Variants in NFIL3 observed in about 807,000 individuals in gnomAD.
The protein encoded by NFIL3 is nuclear factor interleukin-3-regulated protein.
A neutral mutation model predicts 10.0 loss-of-function variants in NFIL3; 5 were observed. The observed-to-expected ratio is 0.50, with a 90% confidence interval of 0.26 to 1.06. NFIL3 has a LOEUF of 1.06. NFIL3 is among the 50% of genes least tolerant of loss of function. NFIL3 has a pLI of 0.13. For synonymous variants in NFIL3, 202 were observed against 206.5 expected, an observed-to-expected ratio of 0.98 and a Z score of 0.19; for missense variants, 436 against 547.6, an observed-to-expected ratio of 0.80 and a Z score of 2.03.
chr9:91,480,184 C>T, the NFIL3 span, among the ~76,000 whole-genome samples: 1 of 151,346 alleles, frequency 6.6e-6, no homozygotes, highest in African/African-American at 2.4e-5. Context: ...TCTCTGTCTC[C>T]CAGGCTGGAG....
chr9:91,432,166 G>A, the NFIL3 span, among the ~76,000 whole-genome samples: 1 of 152,190 alleles, frequency 6.6e-6, no homozygotes, highest in Non-Finnish European at 1.5e-5. Flanking sequence ...CACACTGTCA[G>A]GTTAGTTCTG....
chr9:91,448,273 C>T, the NFIL3 span, among the ~76,000 whole-genome samples: 4 of 152,150 alleles, frequency 2.6e-5, no homozygotes, highest in East Asian at 1.9e-4. Flanking sequence ...GTATTTGGCT[C>T]ATGATTCTGG....
chr9:91,473,864 T>C, the NFIL3 span, among the ~76,000 whole-genome samples: 1 of 152,218 alleles, frequency 6.6e-6, no homozygotes, highest in Non-Finnish European at 1.5e-5. Flanking sequence ...TTCTCTGAGA[T>C]TTTCTAAATA....
chr9:91,421,714 G>C (rs1352273965), intron 1 of NFIL3, among the ~76,000 whole-genome samples: 1 of 152,118 alleles, frequency 6.6e-6, no homozygotes, highest in Non-Finnish European at 1.5e-5. Context: ...AGTAGGTCGG[G>C]GTCTGAAGCT....
chr9:91,421,529 A>C (rs1181527731), intron 1 of NFIL3, among the ~76,000 whole-genome samples: 1 of 152,016 alleles, frequency 6.6e-6, no homozygotes, highest in Non-Finnish European at 1.5e-5. Flanking sequence ...TCCCGACCCG[A>C]GGTCCCCGCC....
upstream of NFIL3, among the ~76,000 whole-genome samples, chr9:91,427,532 C>T (rs1415759820): frequency 1.3e-5 from 2 of 152,198 alleles, no homozygotes; most frequent in Non-Finnish European, 2.9e-5. Flanking sequence ...TTTCTTTCCA[C>T]TGTAGTATGT....
intron 1 of NFIL3, among the ~76,000 whole-genome samples, chr9:91,421,279 G>A (rs928812799): frequency 2.1e-5 from 3 of 140,990 alleles, no homozygotes; most frequent in Admixed American, 1.5e-4. Flanking sequence ...CCGCGGCCCG[G>A]GCGAACCCAG....
At chr9:91,460,760 A>G in the NFIL3 span, among the ~76,000 whole-genome samples, 1 of 152,222 alleles carries the variant, frequency 6.6e-6, no homozygotes, top group Admixed American at 6.5e-5. Context: ...GTCTTTAGTT[A>G]TTAAATAGAG....
chr9:91,446,247 C>T, the NFIL3 span, among the ~76,000 whole-genome samples: 1 of 152,200 alleles, frequency 6.6e-6, no homozygotes, highest in African/African-American at 2.4e-5. Flanking sequence ...ATGAGCTGAT[C>T]CTTACTGGGC....
At chr9:91,412,118 AAAAAAC>A (rs1338736144) in intron 1 of NFIL3, among the ~76,000 whole-genome samples, 2 of 150,474 alleles carry the variant, frequency 1.3e-5, no homozygotes, top group African/African-American at 4.9e-5. Flanking sequence ...AAAAAAAAAA[AAAAAAC>A]CCCACACAAA....
the NFIL3 span, among the ~76,000 whole-genome samples, chr9:91,449,167 T>C: frequency 0.17 from 25,853 of 152,042 alleles, 2,720 homozygotes; most frequent in East Asian, 0.4. Context: ...TGCAAATAAA[T>C]ATATTTTACC....
At chr9:91,453,109 G>T in the NFIL3 span, among the ~76,000 whole-genome samples, 1 of 152,046 alleles carries the variant, frequency 6.6e-6, no homozygotes, top group African/African-American at 2.4e-5. Flanking sequence ...CTTTCTGAGA[G>T]CTGTGAAGGA....
At chr9:91,437,763 T>G in the NFIL3 span, among the ~76,000 whole-genome samples, 1 of 152,238 alleles carries the variant, frequency 6.6e-6, no homozygotes, top group African/African-American at 2.4e-5. Context: ...ATCATGTATT[T>G]TTGTGTGTGT....
At chr9:91,418,147 T>A (rs1411385305) in intron 1 of NFIL3, among the ~76,000 whole-genome samples, 1 of 152,130 alleles carries the variant, frequency 6.6e-6, no homozygotes, top group African/African-American at 2.4e-5. Flanking sequence ...AGTAAGCACA[T>A]ACACGCTAGC....
chr9:91,436,176 C>A, the NFIL3 span, among the ~76,000 whole-genome samples: 1 of 152,180 alleles, frequency 6.6e-6, no homozygotes, highest in Non-Finnish European at 1.5e-5. Context: ...AATGCTGCTA[C>A]CAGAAAGAAA....
intron 1 of NFIL3, among the ~76,000 whole-genome samples, chr9:91,413,135 TTC>T (rs1010313627): frequency 3.9e-5 from 6 of 152,198 alleles, no homozygotes; most frequent in East Asian, 1.9e-4. Context: ...AATATCAAGT[TTC>T]TGTTTGTTTT....
At chr9:91,468,332 C>A in the NFIL3 span, among the ~76,000 whole-genome samples, 2 of 152,194 alleles carry the variant, frequency 1.3e-5, no homozygotes, top group African/African-American at 4.8e-5. Flanking sequence ...GCATAAATGT[C>A]TTCTTTTGAG....
the NFIL3 span, among the ~76,000 whole-genome samples, chr9:91,446,949 T>A: frequency 3.3e-5 from 5 of 151,952 alleles, no homozygotes; most frequent in Non-Finnish European, 5.9e-5. Flanking sequence ...CCAAGTAGCT[T>A]GGATTACAGG....
At chr9:91,465,233 C>A in the NFIL3 span, among the ~76,000 whole-genome samples, 68,478 of 151,866 alleles carry the variant, frequency 0.45, 19,284 homozygotes, top group African/African-American at 0.79. Flanking sequence ...TATACACTGC[C>A]CATTTTGATA....
Sources: allele counts gnomAD v4.1 joint callset (sites outside exome capture counted in the v4.1 genomes callset), GRCh38; gene constraint gnomAD v4.1.1; transcripts MANE v1.5; gene names NCBI Gene and HGNC (gene_info 2026-07-23, HGNC 2026-07-21).